Variants in DLGAP4 observed in about 807,000 individuals in gnomAD.
DLGAP4 encodes the protein DLG associated protein 4.
A neutral mutation model predicts 86.9 loss-of-function variants in DLGAP4; 18 were observed. The observed-to-expected ratio is 0.21, with a 90% CI of 0.14 to 0.31. DLGAP4 has a LOEUF of 0.31. Among genes scored for constraint, DLGAP4 ranks in the 10% least tolerant of loss-of-function variants. DLGAP4 has a pLI of 1.00. For synonymous variants in DLGAP4, 548 were observed against 574.3 expected, an observed-to-expected ratio of 0.95 and a Z score of 0.65; for missense variants, 1,085 against 1,362.6, an observed-to-expected ratio of 0.80 and a Z score of 3.21.
chr20:36,499,278 G>T (rs1413154171), intron 8 of DLGAP4: 1 of 1,613,758 alleles, frequency 6.2e-7, no homozygotes, highest in Non-Finnish European at 8.5e-7. Flanking sequence ...CCTCTCGGAG[G>T]ACAACGGACC....
At chr20:36,513,616 T>C (rs6024487) in intron 10 of DLGAP4, among the ~76,000 whole-genome samples, 6,776 of 149,830 alleles carry the variant, frequency 0.045, 537 homozygotes, top group African/African-American at 0.16. Flanking sequence ...TGAGAACCTC[T>C]GTGTACCTTC....
At chr20:36,463,856 C>A (rs1600573651) in intron 7 of DLGAP4, among the ~76,000 whole-genome samples, 2 of 152,254 alleles carry the variant, frequency 1.3e-5, no homozygotes, top group African/African-American at 4.8e-5. Context: ...AACTTTGGTG[C>A]AGGGAATGAG....
chr20:36,448,891 G>C (rs994614722), intron 7 of DLGAP4, among the ~76,000 whole-genome samples: 1 of 152,040 alleles, frequency 6.6e-6, no homozygotes, highest in African/African-American at 2.4e-5. Context: ...CCAAGATTGA[G>C]CCACTGCGCT....
intron 7 of DLGAP4, among the ~76,000 whole-genome samples, chr20:36,463,464 T>G (rs2034192510): frequency 6.6e-6 from 1 of 152,184 alleles, no homozygotes; most frequent in Admixed American, 6.5e-5. Context: ...ACTAGGACAT[T>G]ACAGTCCAGG....
intron 1 of DLGAP4, among the ~76,000 whole-genome samples, chr20:36,318,380 G>T (rs1322981622): frequency 1.3e-5 from 2 of 152,092 alleles, no homozygotes; most frequent in African/African-American, 2.4e-5. Flanking sequence ...CACCCATCCG[G>T]CAGCTGGTGG....
chr20:36,467,675 T>G (rs537074798), intron 7 of DLGAP4, among the ~76,000 whole-genome samples: 1 of 152,206 alleles, frequency 6.6e-6, no homozygotes, highest in Non-Finnish European at 1.5e-5. Flanking sequence ...AAGAGCCAAT[T>G]GGGGTAGCAG....
chr20:36,329,289 C>T, intron 1 of DLGAP4, among the ~76,000 whole-genome samples: 1 of 152,262 alleles, frequency 6.6e-6, no homozygotes, highest in South Asian at 2.1e-4. Flanking sequence ...ATTGTTGGAG[C>T]CAAACAGTCA....
At chr20:36,331,398 A>G (rs1366654066) in intron 1 of DLGAP4, among the ~76,000 whole-genome samples, 1 of 152,218 alleles carries the variant, frequency 6.6e-6, no homozygotes, top group Non-Finnish European at 1.5e-5. Context: ...GAGCAGGACC[A>G]ACATGGGAAC....
chr20:36,507,207 A>G (rs888272564), intron 10 of DLGAP4, among the ~76,000 whole-genome samples: 3 of 151,250 alleles, frequency 2.0e-5, no homozygotes, highest in Non-Finnish European at 2.9e-5. Context: ...GTGGGCACAA[A>G]AGTTGTTTTT....
rs567694949 is a variant in DLGAP4 at position 36,438,377 on chromosome 20, A to T, written c.1242-1377A>T. Reference sequence around the variant, plus strand: ...TGACAGAGTGAGACTGTCTCAAAAAAAAATATATATATATATATAATATAT... The same window carrying T: ...TGACAGAGTGAGACTGTCTCAAAAATAAATATATATATATATATAATATAT... On this transcript the variant is annotated intron_variant, in intron 4 of 12. Coordinates refer to ENST00000339266, the MANE Select transcript of DLGAP4 (RefSeq NM_001365621.2). Among the ~76,000 whole-genome samples the T allele has an allele frequency of 3.3e-3, 275 of 84,120 alleles. 2 individuals are homozygous for T. Among genetic ancestry groups the T allele is most frequent in the African/African-American group, 8.1e-3 (255 of 31,638 alleles). 55.2% of individuals were successfully genotyped at this position (84,120 alleles called of 152,430 possible). A position where few individuals can be genotyped will look rare whatever the true frequency, so the allele number is the denominator to read the frequency against.
At chr20:36,445,100 T>C (rs1377127069) in intron 6 of DLGAP4, among the ~76,000 whole-genome samples, 2 of 152,156 alleles carry the variant, frequency 1.3e-5, no homozygotes, top group African/African-American at 4.8e-5. Flanking sequence ...CTGGCTAATT[T>C]TTGTATTTTT....
At chr20:36,385,928 C>G (rs1412568050) in intron 2 of DLGAP4, among the ~76,000 whole-genome samples, 2 of 152,152 alleles carry the variant, frequency 1.3e-5, no homozygotes, top group African/African-American at 4.8e-5. Context: ...AGCTCTGGGC[C>G]CAGAGATCTA....
chr20:36,421,995 G>C (rs1289191561), intron 2 of DLGAP4, among the ~76,000 whole-genome samples: 1 of 152,122 alleles, frequency 6.6e-6, no homozygotes, highest in Non-Finnish European at 1.5e-5. Context: ...CTAGCATTTA[G>C]ACGTCAGAGG....
At position 36,308,442 on chromosome 20, in the gene DLGAP4, C is replaced by T. The variant is rs956162613; in HGVS notation, c.-304+1930C>T. 2.0e-5 allele frequency among the ~76,000 whole-genome samples: 3 copies of T among 152,186 alleles called. No individual in the cohort carries two copies. The highest frequency in any genetic ancestry group is 4.8e-5 in the African/African-American group (2 of 41,440). On this transcript the variant is annotated intron_variant, in intron 1 of 12. Transcript: ENST00000339266. The surrounding 1 kb of genome is among the most constrained non-coding windows in gnomAD (Gnocchi z 4.5). Reference sequence around the variant, plus strand: ...CTGATGGCTGGGTTATGTGGAACCCCGGGTGCCAGCCTTGAGATGGAACTG... The same window carrying T: ...CTGATGGCTGGGTTATGTGGAACCCTGGGTGCCAGCCTTGAGATGGAACTG...
intron 7 of DLGAP4, chr20:36,462,746 C>A: frequency 2.6e-6 from 3 of 1,153,112 alleles, no homozygotes; most frequent in Non-Finnish European, 3.5e-6. Context: ...GAGGGAGGGG[C>A]CAGGCTGTCT....
intron 2 of DLGAP4, among the ~76,000 whole-genome samples, chr20:36,375,440 TC>T (rs1384887516): frequency 6.6e-6 from 1 of 152,178 alleles, no homozygotes; most frequent in East Asian, 1.9e-4. Flanking sequence ...TAGTCATTCA[TC>T]CCCACACTCC....
chr20:36,415,767 G>T (rs149951943), intron 2 of DLGAP4, among the ~76,000 whole-genome samples: 1 of 152,296 alleles, frequency 6.6e-6, no homozygotes, highest in Non-Finnish European at 1.5e-5. Context: ...TCCAGGGGCA[G>T]GCTCCTACTC....
chr20:36,328,489 T>TA (rs1555891194), intron 1 of DLGAP4, among the ~76,000 whole-genome samples: 3 of 151,672 alleles, frequency 2.0e-5, no homozygotes, highest in South Asian at 2.1e-4. Flanking sequence ...TTTTTTTTTT[T>TA]AAATAAAGTC....
chr20:36,462,953 G>A (rs2034166511), intron 7 of DLGAP4, among the ~76,000 whole-genome samples: 1 of 151,624 alleles, frequency 6.6e-6, no homozygotes, highest in East Asian at 1.9e-4. Flanking sequence ...ATTTAGCCCC[G>A]GCTGGGTGTG....
Sources: allele counts gnomAD v4.1 joint callset (sites outside exome capture counted in the v4.1 genomes callset), GRCh38; gene constraint gnomAD v4.1.1; non-coding constraint Gnocchi (gnomAD v3.1); transcripts MANE v1.5; gene names NCBI Gene and HGNC (gene_info 2026-07-23, HGNC 2026-07-21).